Variants in BRD7 observed in about 807,000 individuals in gnomAD.
BRD7 encodes the protein bromodomain containing 7, also known as bromodomain-containing protein 7.
Under a neutral mutation model 82.1 loss-of-function variants are expected in BRD7, and 15 were observed. That is an observed-to-expected ratio of 0.18 (90% confidence interval 0.12 to 0.28). The LOEUF (loss-of-function observed/expected upper bound fraction) is 0.28, where lower values mean the gene tolerates loss of function less well. Ranked by LOEUF, BRD7 falls within the 10% of genes least tolerant of loss-of-function variation. The pLI, the probability that BRD7 is intolerant of heterozygous loss-of-function variation, is 1.00. For synonymous variants in BRD7, 232 were observed against 266.9 expected (o/e 0.87, Z 1.27); for missense variants, 638 against 779.9 (o/e 0.82, Z 2.17).
intron 5 of BRD7, among the ~76,000 whole-genome samples, chr16:50,341,238 T>G: frequency 6.7e-6 from 1 of 150,192 alleles, no homozygotes; most frequent in Non-Finnish European, 1.5e-5. Context: ...ACAAAAGTCT[T>G]CATGTAATTT....
chr16:50,321,572 A>C (rs1432646196), intron 13 of BRD7, among the ~76,000 whole-genome samples: 1 of 90,060 alleles, frequency 1.1e-5, no homozygotes, highest in Non-Finnish European at 2.2e-5. Context: ...ATCTCAAAAA[A>C]AAAAAAAAAA....
In BRD7 at chr16:50,350,040, A is replaced by T; in HGVS notation, c.574T>A (p.Ser192Thr). 1 of 1,597,340 alleles carries T rather than the reference A, an allele frequency of 6.3e-7. No homozygotes were observed. The highest frequency in any genetic ancestry group is 8.5e-7 in the Non-Finnish European group (1 of 1,175,072). ...KEKIKNNDYQ[S>T]IEELKDNFKL... The stretch of plus-strand genomic sequence containing the variant: ...AGAGTTACCTTTAGTTCTTCTATGG[A>T]CTGATAGTCATTGTTCTTGATCTTT... Residue 192 changes from serine to threonine, a missense_variant, in exon 5 of 17, where the codon TCC (serine) becomes ACC (threonine). Ser to Thr is a moderately conservative substitution (Grantham distance 58). Around this residue, in one of 3 missense-constraint regions of BRD7, gnomAD observed 64 missense variants for 123.8 expected, o/e 0.52. Coordinates refer to ENST00000394688, the MANE Select transcript of BRD7 (RefSeq NM_013263.5).
rs2036816774 is a variant in BRD7, at chr16:50,316,705, C to T, written c.*2506G>A. 1 of 152,356 alleles carries T rather than the reference C, an allele frequency of 6.6e-6. No homozygotes were observed. The highest frequency in any genetic ancestry group is 6.5e-5 in the Admixed American group (1 of 15,278). 9.4% of individuals were successfully genotyped at this position (152,356 alleles called of 1,614,324 possible). On this transcript the variant is annotated 3_prime_UTR_variant, in exon 17 of 17. Transcript: ENST00000394688. The stretch of plus-strand genomic sequence containing the variant: ...AGCCAGGTTTTGGGGATGTGTCTTA[C>T]TGTGCTTCAACTTCCCAAGGAATTG...
rs150017774 is a variant in BRD7, at chr16:50,332,768, G to A, written c.1011+806C>T. 2.0e-3 allele frequency among the ~76,000 whole-genome samples: 297 copies of A among 152,108 alleles called. 3 individuals carry two copies. The highest frequency in any genetic ancestry group is 5.8e-3 in the African/African-American group (242 of 41,474). On this transcript the variant is annotated intron_variant, in intron 8 of 16. Transcript: ENST00000394688. ...CAAAGGACTAGGTAAAGAAAATGCG[G>A]TACACACACACACCATGGAATACTA...
At chr16:50,364,874 T>C (rs1045375850) in intron 2 of BRD7, among the ~76,000 whole-genome samples, 4 of 152,222 alleles carry the variant, frequency 2.6e-5, no homozygotes, top group African/African-American at 9.7e-5. Context: ...AATGGGATTA[T>C]GGTGGTAACT....
intron 5 of BRD7, among the ~76,000 whole-genome samples, chr16:50,342,446 A>C (rs940603748): frequency 6.9e-6 from 1 of 145,758 alleles, no homozygotes; most frequent in African/African-American, 2.5e-5. Context: ...GACTAAGTAA[A>C]GACACTGTCT....
At chr16:50,324,695 C>T (rs1015523253) in intron 11 of BRD7, among the ~76,000 whole-genome samples, 15 of 152,200 alleles carry the variant, frequency 9.9e-5, no homozygotes, top group Non-Finnish European at 5.9e-5. Context: ...CTTATCTGAC[C>T]GATTTAAAAG....
chr16:50,320,458 G>A (rs1597017988), intron 14 of BRD7, 67 bp from the exon 15 acceptor site: 1 of 1,570,448 alleles, frequency 6.4e-7, no homozygotes, highest in South Asian at 1.2e-5. Flanking sequence ...CTAGGCTCTA[G>A]GGCTTTGCTA....
intron 1 of BRD7, 124 bp downstream of exon 1, chr16:50,368,602 C>A (rs1597111431): frequency 1.4e-5 from 15 of 1,060,794 alleles, no homozygotes; most frequent in Non-Finnish European, 1.7e-5. Context: ...GACGCGCCCC[C>A]TTCGCCGGCC....
intron 6 of BRD7, 77 bp downstream of exon 6, chr16:50,339,899 G>T: frequency 1.3e-6 from 1 of 751,236 alleles, no homozygotes; most frequent in Non-Finnish European, 2.2e-6. Flanking sequence ...ATACTGTATT[G>T]TATCTGTATT....
In BRD7 at chr16:50,319,945, T is replaced by C; in HGVS notation, c.1842A>G (p.Ala614=). 2.5e-6 allele frequency: 4 copies of C among 1,612,888 alleles called. No homozygotes were observed. The highest frequency in any genetic ancestry group is 3.4e-6 in the Non-Finnish European group (4 of 1,179,968). ...DIVSTYGVRK[A]MGISIPSPVM... is the part of the protein sequence containing the mutation. ...CGGGGGAAGGAATGGAAATCCCCAT[T>C]GCTTTTCGAACTCCATACGTGCTTA... is the stretch of plus-strand genomic sequence containing the variant. Residue 614 remains alanine (A), a synonymous_variant, in exon 16 of 17, where the codon GCA becomes GCG. Transcript: ENST00000394688.
intron 14 of BRD7, 80 bp from the exon 15 acceptor site, chr16:50,320,471 T>A: frequency 6.5e-7 from 1 of 1,543,702 alleles, no homozygotes; most frequent in Non-Finnish European, 8.8e-7. Context: ...CTTTGCTAAT[T>A]ATTGGTTAGC....
chr16:50,331,169 A>G (rs549151245), intron 8 of BRD7, among the ~76,000 whole-genome samples: 5 of 152,352 alleles, frequency 3.3e-5, no homozygotes, highest in African/African-American at 4.8e-5. Context: ...AAGAAATCAT[A>G]TATGACACAA....
intron 5 of BRD7, among the ~76,000 whole-genome samples, chr16:50,343,498 G>A (rs2038157286): frequency 1.3e-5 from 2 of 152,236 alleles, no homozygotes; most frequent in African/African-American, 2.4e-5. Context: ...AGCCGAAGCA[G>A]GGCAGGGAAT....
chr16:50,350,610 T>C (rs2038478117), intron 4 of BRD7, among the ~76,000 whole-genome samples: 1 of 152,252 alleles, frequency 6.6e-6, no homozygotes, highest in South Asian at 2.1e-4. Flanking sequence ...GGTCCATGCA[T>C]GTCTATTTTC....
intron 2 of BRD7, among the ~76,000 whole-genome samples, chr16:50,363,206 T>A (rs1015338352): frequency 1.8e-4 from 27 of 152,252 alleles, no homozygotes; most frequent in African/African-American, 4.6e-4. Context: ...ATTTTACCTA[T>A]TGCATCTTAG....
chr16:50,318,354 A>T lies in BRD7; in HGVS notation c.*857T>A, dbSNP rs902303997. 1 of 152,244 alleles carries T rather than the reference A, an allele frequency of 6.6e-6. No homozygotes were observed. The highest frequency in any genetic ancestry group is 1.5e-5 in the Non-Finnish European group (1 of 68,042). The allele number at this position is 152,244 out of a possible 1,614,324, so 9.4% of individuals were successfully genotyped here. A position where few individuals can be genotyped will look rare whatever the true frequency, so the allele number is the denominator to read the frequency against. On this transcript the variant is annotated 3_prime_UTR_variant, in exon 17 of 17. Transcript: ENST00000394688. ...GGCTTCCTGCCTGGGTGATTTATAG[A>T]AGGATTGTATAAGGGCCTTCAAACT...
intron 15 of BRD7, 96 bp from the exon 16 acceptor site, chr16:50,320,126 A>G: frequency 1.3e-6 from 2 of 1,494,270 alleles, no homozygotes; most frequent in Non-Finnish European, 1.8e-6. Flanking sequence ...AAGAAAACAA[A>G]ACAAAAAAAC....
At chr16:50,340,134 T>C in intron 5 of BRD7, 48 bp from the exon 6 acceptor site, 1 of 1,044,054 alleles carries the variant, frequency 9.6e-7, no homozygotes, top group Non-Finnish European at 1.4e-6. Flanking sequence ...CAAAACAAAC[T>C]ACCCTGCACC....
Sources: gnomAD v4.1 joint callset for allele counts (sites outside exome capture counted in the v4.1 genomes callset) on GRCh38, gnomAD v4.1.1 for gene constraint, gnomAD v4.1.1 regional missense constraint, MANE v1.5 for transcripts, NCBI Gene and HGNC (gene_info 2026-07-23, HGNC 2026-07-21) for gene names.